LRRTM4: variants seen among roughly 807,000 people sequenced by gnomAD.
LRRTM4 encodes the protein leucine rich repeat transmembrane neuronal 4.
A neutral mutation model predicts 47.6 loss-of-function variants in LRRTM4; 25 were observed. The ratio of observed to expected loss-of-function variants is 0.53; its 90% CI spans 0.38 to 0.73. LRRTM4 has a LOEUF of 0.73. Among genes scored for constraint, LRRTM4 ranks in the 30% least tolerant of loss-of-function variants. The pLI, the probability that LRRTM4 is intolerant of heterozygous loss-of-function variation, is 0.00. For missense variants in LRRTM4, 638 were observed against 713.4 expected (o/e 0.89, Z 1.20); for synonymous variants, 311 against 269.5 (o/e 1.15, Z -1.51).
At chr2:76,771,022 C>A (rs1184936479) in intron 3 of LRRTM4, among the ~76,000 whole-genome samples, 1 of 152,252 alleles carries the variant, frequency 6.6e-6, no homozygotes, top group Middle Eastern at 3.4e-3. Context: ...CAAATGCAAG[C>A]CCTTACAGTT....
At chr2:77,285,484 G>C (rs914678044) in intron 3 of LRRTM4, among the ~76,000 whole-genome samples, 1 of 151,766 alleles carries the variant, frequency 6.6e-6, no homozygotes, top group Non-Finnish European at 1.5e-5. Context: ...GCTCATGCCT[G>C]TAATCCCAGC....
chr2:77,241,851 T>G (rs1407812124), intron 3 of LRRTM4, among the ~76,000 whole-genome samples: 1 of 152,092 alleles, frequency 6.6e-6, no homozygotes, highest in Non-Finnish European at 1.5e-5. Flanking sequence ...TATATTGTCT[T>G]AGGTCCAATA....
At chr2:76,854,007 T>A in intron 3 of LRRTM4, among the ~76,000 whole-genome samples, 1 of 152,208 alleles carries the variant, frequency 6.6e-6, no homozygotes, top group East Asian at 1.9e-4. Flanking sequence ...AGGTTTTTAA[T>A]ACTTAAGAAA....
At chr2:77,204,812 C>T (rs1674075505) in intron 3 of LRRTM4, among the ~76,000 whole-genome samples, 1 of 152,172 alleles carries the variant, frequency 6.6e-6, no homozygotes, top group South Asian at 2.1e-4. Context: ...TCGATAAATA[C>T]TCGCTGGATA....
intron 3 of LRRTM4, among the ~76,000 whole-genome samples, chr2:76,929,189 G>C (rs1050980708): frequency 6.6e-6 from 1 of 152,188 alleles, no homozygotes; most frequent in African/African-American, 2.4e-5. Context: ...AGGTCACAGA[G>C]TTTAGGACCA....
At chr2:77,417,680 G>A (rs1009055345) in intron 3 of LRRTM4, among the ~76,000 whole-genome samples, 6 of 148,786 alleles carry the variant, frequency 4.0e-5, no homozygotes, top group South Asian at 2.1e-4. Flanking sequence ...ACCAAGCACC[G>A]CATATTCCCA....
At chr2:77,067,583 T>G (rs1476107816) in intron 3 of LRRTM4, among the ~76,000 whole-genome samples, 2 of 151,244 alleles carry the variant, frequency 1.3e-5, no homozygotes, top group Non-Finnish European at 2.9e-5. Context: ...ATTTAGAAAG[T>G]TAGAACAAGA....
intron 3 of LRRTM4, among the ~76,000 whole-genome samples, chr2:77,077,890 T>G (rs1321441265): frequency 6.6e-6 from 1 of 152,168 alleles, no homozygotes; most frequent in Non-Finnish European, 1.5e-5. Context: ...ACATGTCAAA[T>G]AATTAATCTT....
chr2:76,958,470 G>A (rs1344890055), intron 3 of LRRTM4, among the ~76,000 whole-genome samples: 1 of 151,740 alleles, frequency 6.6e-6, no homozygotes. Flanking sequence ...GAATGTTCCA[G>A]ATAGAACCCT....
intron 3 of LRRTM4, among the ~76,000 whole-genome samples, chr2:76,868,823 C>T (rs1171787935): frequency 6.6e-6 from 1 of 152,092 alleles, no homozygotes. Context: ...CTTTTCTGGG[C>T]AGTCTTTTTT....
At chr2:77,444,223 T>G (rs1275938665) in intron 3 of LRRTM4, among the ~76,000 whole-genome samples, 2 of 152,136 alleles carry the variant, frequency 1.3e-5, no homozygotes, top group African/African-American at 4.8e-5. Flanking sequence ...TGGTCATGGA[T>G]AGATACCGAA....
chr2:77,459,638 T>C (rs971846542), intron 3 of LRRTM4, among the ~76,000 whole-genome samples: 3 of 151,884 alleles, frequency 2.0e-5, no homozygotes, highest in Non-Finnish European at 4.4e-5. Context: ...ACATATCTAA[T>C]GTCAAGCCCA....
At chr2:76,810,262 C>G (rs1318635183) in intron 3 of LRRTM4, among the ~76,000 whole-genome samples, 1 of 152,044 alleles carries the variant, frequency 6.6e-6, no homozygotes, top group Admixed American at 6.6e-5. Context: ...TTGATTACGT[C>G]TTAAGGGTAA....
chr2:77,085,580 T>C (rs1458043800), intron 3 of LRRTM4, among the ~76,000 whole-genome samples: 1 of 152,106 alleles, frequency 6.6e-6, no homozygotes, highest in African/African-American at 2.4e-5. Flanking sequence ...GAAAAAATAC[T>C]GCCAATATGC....
At chr2:77,069,401 A>G (rs867560663) in intron 3 of LRRTM4, among the ~76,000 whole-genome samples, 153 of 141,576 alleles carry the variant, frequency 1.1e-3, no homozygotes, top group African/African-American at 3.4e-3. Flanking sequence ...ACATTTCACT[A>G]TGTGTGTGTG....
chr2:77,166,897 C>A (rs1159062895), intron 3 of LRRTM4, among the ~76,000 whole-genome samples: 1 of 152,110 alleles, frequency 6.6e-6, no homozygotes, highest in Non-Finnish European at 1.5e-5. Flanking sequence ...TAGGCATGGG[C>A]AAGGACTTCA....
intron 3 of LRRTM4, among the ~76,000 whole-genome samples, chr2:76,831,508 T>C (rs1671351859): frequency 1.3e-5 from 2 of 152,130 alleles, no homozygotes; most frequent in East Asian, 1.9e-4. Context: ...TTGGGTTGAT[T>C]CTCCGTTTAA....
chr2:77,100,046 G>A (rs1479159640), intron 3 of LRRTM4, among the ~76,000 whole-genome samples: 1 of 151,562 alleles, frequency 6.6e-6, no homozygotes, highest in African/African-American at 2.4e-5. Flanking sequence ...TCTCATTTTT[G>A]GTGTCCTCTT....
intron 3 of LRRTM4, among the ~76,000 whole-genome samples, chr2:77,092,156 C>A (rs1670664490): frequency 6.6e-6 from 1 of 152,094 alleles, no homozygotes; most frequent in Non-Finnish European, 1.5e-5. Flanking sequence ...CTTTCTGCTT[C>A]CCGGCTCCTT....
Sources: gnomAD v4.1 joint callset for allele counts (sites outside exome capture counted in the v4.1 genomes callset) on GRCh38, gnomAD v4.1.1 for gene constraint, MANE v1.5 for transcripts, NCBI Gene and HGNC (gene_info 2026-07-23, HGNC 2026-07-21) for gene names.